SCN2A: variants seen among roughly 807,000 people sequenced by gnomAD.
SCN2A encodes sodium voltage-gated channel alpha subunit 2, also known as sodium channel protein type 2 subunit alpha.
Under a neutral mutation model 188.7 loss-of-function variants are expected in SCN2A, and 20 were observed. The ratio of observed to expected loss-of-function variants is 0.11; its 90% CI spans 0.07 to 0.15. SCN2A has a LOEUF of 0.15. SCN2A is among the 10% of genes least tolerant of loss of function. The pLI is 1.00. For missense variants in SCN2A, 1,278 were observed against 2,445.0 expected, an observed-to-expected ratio of 0.52 and a Z score of 10.07; for synonymous variants, 804 against 833.1, an observed-to-expected ratio of 0.97 and a Z score of 0.60.
At chr2:165,291,573 CT>C in intron 1 of SCN2A, among the ~76,000 whole-genome samples, 3 of 82,714 alleles carry the variant, frequency 3.6e-5, no homozygotes, top group South Asian at 4.0e-4. Flanking sequence ...TCCTTCCTTC[CT>C]TTCTCTCTCT....
At chr2:165,254,465 T>C (rs1694232699) in intron 1 of SCN2A, among the ~76,000 whole-genome samples, 1 of 151,806 alleles carries the variant, frequency 6.6e-6, no homozygotes, top group South Asian at 2.1e-4. Context: ...TGAGTAATTT[T>C]CCTATTTTTC....
At chr2:165,296,123 A>G (rs1282329078) in intron 2 of SCN2A, 33 bp downstream of exon 2, 7 of 1,598,836 alleles carry the variant, frequency 4.4e-6, no homozygotes, top group African/African-American at 1.3e-5. Flanking sequence ...TTCACTGCCT[A>G]TTTACTAATT....
chr2:165,293,844 A>G (rs1696342408), intron 1 of SCN2A: 3 of 984,990 alleles, frequency 3.0e-6, no homozygotes, highest in African/African-American at 1.7e-5. Flanking sequence ...TGCTTCAGAC[A>G]TATGTCTGTG....
At chr2:165,254,554 AACTC>A (rs1011913874) in intron 1 of SCN2A, among the ~76,000 whole-genome samples, 5 of 151,680 alleles carry the variant, frequency 3.3e-5, no homozygotes, top group Non-Finnish European at 7.4e-5. Flanking sequence ...AGAAAATAAA[AACTC>A]ACCTGTAAAC....
intron 13 of SCN2A, chr2:165,328,616 C>A: frequency 1.8e-6 from 1 of 541,380 alleles, no homozygotes; most frequent in Non-Finnish European, 2.4e-6. Context: ...ACTTAAAAAA[C>A]CTCAAATATC....
chr2:165,254,200 C>G (rs999686190), intron 1 of SCN2A, among the ~76,000 whole-genome samples: 1 of 151,566 alleles, frequency 6.6e-6, no homozygotes, highest in Non-Finnish European at 1.5e-5. Flanking sequence ...GACTTTTAAG[C>G]ATCTAGATGT....
intron 1 of SCN2A, among the ~76,000 whole-genome samples, chr2:165,279,754 G>A (rs796668426): frequency 5.9e-5 from 9 of 152,076 alleles, no homozygotes; most frequent in African/African-American, 1.7e-4. Flanking sequence ...GGAAGGAGGA[G>A]GGAGATAGAT....
chr2:165,365,483 A>G (rs1278858085), intron 18 of SCN2A, among the ~76,000 whole-genome samples: 1 of 151,306 alleles, frequency 6.6e-6, no homozygotes, highest in Non-Finnish European at 1.5e-5. Context: ...CAACTTTTTA[A>G]AAGGCAAAGT....
chr2:165,328,986 C>CTTTTTTTTTTTTT lies in SCN2A; in HGVS notation c.2149+2013_2149+2025dup, dbSNP rs1269103949. ...ATACTCAAGCAGACTTAAGATAGTC[C>CTTTTTTTTTTTTT]TTTTTTTTTTTTTTTTTTTTTTTGG... On this transcript the variant is annotated intron_variant, in intron 13 of 26. Transcript: ENST00000375437. Among the ~76,000 whole-genome samples the CTTTTTTTTTTTTT allele has an allele frequency of 1.2e-4, 11 of 89,390 alleles. 1 individual carries two copies. The highest frequency in any genetic ancestry group is 3.8e-4 in the East Asian group (1 of 2,624). 58.6% of individuals were successfully genotyped at this position (89,390 alleles called of 152,430 possible).
At chr2:165,297,272 T>C in intron 3 of SCN2A, 137 bp downstream of exon 3, 9 of 629,794 alleles carry the variant, frequency 1.4e-5, no homozygotes, top group Non-Finnish European at 2.0e-5. Context: ...ATCGTTAGCA[T>C]GTTGCAAAAT....
chr2:165,257,728 G>A (rs533249624), intron 1 of SCN2A, among the ~76,000 whole-genome samples: 1 of 152,168 alleles, frequency 6.6e-6, no homozygotes, highest in Non-Finnish European at 1.5e-5. Flanking sequence ...TATAGAGATG[G>A]GTTTTCACCA....
intron 1 of SCN2A, among the ~76,000 whole-genome samples, chr2:165,248,302 G>C (rs149034059): frequency 6.6e-6 from 1 of 152,172 alleles, no homozygotes; most frequent in East Asian, 1.9e-4. Context: ...ATTTAGCCTG[G>C]TCTCCATCCC....
intron 16 of SCN2A, among the ~76,000 whole-genome samples, chr2:165,349,877 A>G (rs571724472): frequency 3.3e-5 from 5 of 152,288 alleles, no homozygotes; most frequent in Non-Finnish European, 5.9e-5. Context: ...CTTCCTTCCT[A>G]TTCTCACTGG....
At chr2:165,336,328 TAAAAA>T (rs1174460837) in intron 14 of SCN2A, among the ~76,000 whole-genome samples, 3 of 151,834 alleles carry the variant, frequency 2.0e-5, no homozygotes, top group Non-Finnish European at 4.4e-5. Flanking sequence ...TACTAAAAAT[TAAAAA>T]CAATTCAAAT....
chr2:165,290,433 C>A (rs1293088278), intron 1 of SCN2A, among the ~76,000 whole-genome samples: 1 of 152,002 alleles, frequency 6.6e-6, no homozygotes, highest in South Asian at 2.1e-4. Context: ...ATTACAGTAT[C>A]TATTTCATTA....
At chr2:165,366,692 C>T (rs566686334) in intron 18 of SCN2A, among the ~76,000 whole-genome samples, 187 of 123,620 alleles carry the variant, frequency 1.5e-3, no homozygotes, top group Non-Finnish European at 1.9e-3. Flanking sequence ...CACTCCAGCC[C>T]GGACAATAGA....
chr2:165,315,735 A>G lies in SCN2A; in HGVS notation c.1648A>G (p.Lys550Glu). Reference protein sequence around the residue: ...SLEGSRLTYEKRFSSPHQSLL... With the variant: ...SLEGSRLTYEERFSSPHQSLL... Reference sequence around the variant, plus strand: ...GGAAGGAAGTAGGCTGACATATGAAAAGAGATTTTCTTCTCCACACCAGGT... The same window carrying G: ...GGAAGGAAGTAGGCTGACATATGAAGAGAGATTTTCTTCTCCACACCAGGT... Residue 550 changes from lysine to glutamate, a missense_variant, in exon 11 of 27, where the codon AAG (lysine) becomes GAG (glutamate). Lys to Glu is a moderately conservative substitution (Grantham distance 56, BLOSUM62 1). This residue lies in a region of SCN2A where 315 missense variants were observed against 386.6 expected (regional missense o/e 0.81). Transcript: ENST00000375437. 1 of 1,612,808 alleles carries G rather than the reference A, an allele frequency of 6.2e-7. No individual in the cohort carries two copies. The highest frequency in any genetic ancestry group is 8.5e-7 in the Non-Finnish European group (1 of 1,179,400).
At chr2:165,295,316 G>A (rs1696449558) in intron 1 of SCN2A, among the ~76,000 whole-genome samples, 1 of 152,220 alleles carries the variant, frequency 6.6e-6, no homozygotes, top group African/African-American at 2.4e-5. Context: ...CACGTGCAAA[G>A]ACTTGGAGAG....
intron 3 of SCN2A, among the ~76,000 whole-genome samples, chr2:165,306,605 G>T (rs1697152492): frequency 6.6e-6 from 1 of 151,472 alleles, no homozygotes; most frequent in African/African-American, 2.4e-5. Context: ...TTACTTATGA[G>T]TGTTTTCATA....
Sources: allele counts gnomAD v4.1 joint callset (sites outside exome capture counted in the v4.1 genomes callset), GRCh38; gene constraint gnomAD v4.1.1; regional missense constraint gnomAD v4.1.1; transcripts MANE v1.5; gene names NCBI Gene and HGNC (gene_info 2026-07-23, HGNC 2026-07-21).